TIA1: variants seen among roughly 807,000 people sequenced by gnomAD.
TIA1 encodes TIA1 cytotoxic granule associated RNA binding protein, also known as cytotoxic granule associated RNA binding protein TIA1.
In TIA1, 23 loss-of-function variants were observed where a neutral mutation model predicts 65.9. The observed-to-expected ratio is 0.35, with a 90% CI of 0.25 to 0.49. The LOEUF is 0.49. TIA1 is among the 20% of genes least tolerant of loss of function. TIA1 has a pLI of 0.98. For missense variants in TIA1, 371 were observed against 477.9 expected (o/e 0.78, Z 2.09); for synonymous variants, 147 against 149.4 (o/e 0.98, Z 0.12).
intron 12 of TIA1, among the ~76,000 whole-genome samples, 163 bp from the exon 13 acceptor site, chr2:70,213,008 A>G (rs754801947): frequency 6.6e-6 from 1 of 152,248 alleles, no homozygotes. Flanking sequence ...ATCTTTTACT[A>G]AAGTTTTTTT....
At chr2:70,217,459 G>A (rs1013623866) in intron 7 of TIA1, among the ~76,000 whole-genome samples, 9 of 151,722 alleles carry the variant, frequency 5.9e-5, no homozygotes, top group African/African-American at 1.5e-4. Context: ...GTGTAATGGC[G>A]TGATCTCGGC....
At chr2:70,215,870 T>G (rs1444622434) in intron 10 of TIA1, among the ~76,000 whole-genome samples, 3 of 152,132 alleles carry the variant, frequency 2.0e-5, no homozygotes, top group Non-Finnish European at 4.4e-5. Flanking sequence ...TGCCTCAGCC[T>G]CCCGAGTAGC....
chr2:70,220,266 G>A (rs1331391068), intron 7 of TIA1, among the ~76,000 whole-genome samples: 3 of 152,048 alleles, frequency 2.0e-5, no homozygotes, highest in African/African-American at 7.2e-5. Context: ...AAATTAGCTG[G>A]GCATGGTGTT....
chr2:70,247,151 A>C (rs1260073808), intron 1 of TIA1, among the ~76,000 whole-genome samples: 1 of 152,206 alleles, frequency 6.6e-6, no homozygotes, highest in Non-Finnish European at 1.5e-5. Flanking sequence ...TTCCTAAAAC[A>C]AAGGTCATGC....
At chr2:70,218,662 T>A (rs1232362715) in intron 7 of TIA1, among the ~76,000 whole-genome samples, 1 of 152,218 alleles carries the variant, frequency 6.6e-6, no homozygotes, top group Non-Finnish European at 1.5e-5. Flanking sequence ...CTCCATCTCC[T>A]GACCTCGTGA....
At position 70,216,789 on chromosome 2, in the gene TIA1, T is replaced by C. The variant is rs749416525; in HGVS notation, c.583+97A>G. 9 of 1,607,422 alleles carry C rather than the reference T, an allele frequency of 5.6e-6. No individual in the cohort carries two copies. The East Asian group carries it at 6.7e-5, about 12-fold the overall frequency. ...GTAGTCTTGATTTGCTTCTCATCTA[T>C]TTCTGCAATAAGTCTCCGGGAACAG... On this transcript the variant is annotated intron_variant, in intron 8 of 12. Transcript: ENST00000433529.
chr2:70,234,958 T>A (rs1035620806), intron 2 of TIA1, among the ~76,000 whole-genome samples: 7 of 152,100 alleles, frequency 4.6e-5, no homozygotes, highest in Non-Finnish European at 1.5e-5. Context: ...ATGATTGTCT[T>A]TTCTGGAGAA....
chr2:70,237,725 G>A (rs892419066), intron 1 of TIA1, among the ~76,000 whole-genome samples: 4 of 152,002 alleles, frequency 2.6e-5, no homozygotes, highest in African/African-American at 7.2e-5. Context: ...TTAGCCGGGC[G>A]TGGTGGCGCC....
intron 1 of TIA1, 86 bp from the exon 2 acceptor site, chr2:70,236,261 C>G: frequency 2.5e-6 from 2 of 811,386 alleles, no homozygotes; most frequent in Non-Finnish European, 4.0e-6. Context: ...TGCAATGGCA[C>G]GATCTCGGCT....
chr2:70,231,284 A>G (rs961549888), intron 2 of TIA1, among the ~76,000 whole-genome samples: 5 of 152,162 alleles, frequency 3.3e-5, no homozygotes, highest in African/African-American at 1.2e-4. Context: ...CCTGGGCGAC[A>G]GAGCAAGACT....
At chr2:70,237,574 T>C (rs958873691) in intron 1 of TIA1, among the ~76,000 whole-genome samples, 5 of 150,204 alleles carry the variant, frequency 3.3e-5, no homozygotes, top group Middle Eastern at 3.5e-3. Context: ...AAATATCTTA[T>C]ACAATAATGG....
At chr2:70,246,400 T>C (rs1396020998) in intron 1 of TIA1, among the ~76,000 whole-genome samples, 1 of 152,164 alleles carries the variant, frequency 6.6e-6, no homozygotes, top group Non-Finnish European at 1.5e-5. Context: ...AAAAACACTA[T>C]TAGGAAAACT....
Position 70,232,540 on chromosome 2 carries a change from CAAAAAAAAAAAAAAAAA to C in TIA1, c.124-1703_124-1687del, listed in dbSNP as rs70956955. On this transcript the variant is annotated intron_variant, in intron 2 of 12. Transcript: ENST00000433529. ...GGGCAACAAGAGTGAAACTCTGTCT[CAAAAAAAAAAAAAAAAA>C]AAAAAAAAAAAAAAAAATTATCTTC... 5.0e-4 allele frequency among the ~76,000 whole-genome samples: 20 copies of C among 40,264 alleles called. No homozygotes were observed. In the East Asian group the frequency reaches 6.6e-3, roughly 13 times the overall value. 26.4% of individuals were successfully genotyped at this position (40,264 alleles called of 152,430 possible).
chr2:70,239,919 T>G (rs982788373), intron 1 of TIA1, among the ~76,000 whole-genome samples: 7 of 152,200 alleles, frequency 4.6e-5, no homozygotes, highest in Non-Finnish European at 1.0e-4. Flanking sequence ...AGCTCTAGTT[T>G]AGAAAAGTTC....
Position 70,210,155 on chromosome 2 carries a change from A to G in TIA1, c.*2564T>C, listed in dbSNP as rs1343535258. The G allele has an allele frequency of 6.4e-6, 1 of 156,102 alleles. No homozygotes were observed. Among genetic ancestry groups the G allele is most frequent in the Non-Finnish European group, 1.4e-5 (1 of 70,864 alleles). 9.7% of individuals were successfully genotyped at this position (156,102 alleles called of 1,614,324 possible). On this transcript the variant is annotated 3_prime_UTR_variant, in exon 13 of 13. Transcript: ENST00000433529. ...AATATAACAATATGGATAGACCAAA[A>G]AGAAAAAAAATCTCACACACAATAA... is the stretch of plus-strand genomic sequence containing the variant.
At position 70,228,936 on chromosome 2, in the gene TIA1, G is replaced by A. The variant is rs925601285; in HGVS notation, c.310+123C>T. ...GAGAAGGGAGAAAAGTATTGCTAGAGAGACAAATAGAAATAATATCTCCTC... is the reference window on the plus strand; with the variant it reads ...GAGAAGGGAGAAAAGTATTGCTAGAAAGACAAATAGAAATAATATCTCCTC... On this transcript the variant is annotated intron_variant, in intron 5 of 12. Coordinates refer to ENST00000433529, the MANE Select transcript of TIA1 (RefSeq NM_022173.4). 5 of 1,458,488 alleles carry A rather than the reference G, an allele frequency of 3.4e-6. No individual in the cohort carries two copies. In the African/African-American group the frequency reaches 4.3e-5, roughly 13 times the overall value. The allele number at this position is 1,458,488 out of a possible 1,614,324, so 90.3% of individuals were successfully genotyped here. A position where few individuals can be genotyped will look rare whatever the true frequency, so the allele number is the denominator to read the frequency against.
rs1684301420 is a variant in TIA1, at chr2:70,227,435, T to C, written c.398+300A>G. Among the ~76,000 whole-genome samples, 5 of 152,286 alleles carry C rather than the reference T, an allele frequency of 3.3e-5. No homozygotes were observed. In the South Asian group the frequency reaches 1.0e-3, roughly 32 times the overall value. ...AGTTACAGCACAATTTTACTAAAGA[T>C]TGTCACCAAGCTAGCTTGATACCTA... On this transcript the variant is annotated intron_variant, in intron 6 of 12. Coordinates refer to ENST00000433529, the MANE Select transcript of TIA1 (RefSeq NM_022173.4).
chr2:70,239,884 C>T (rs1362453948), intron 1 of TIA1, among the ~76,000 whole-genome samples: 2 of 152,154 alleles, frequency 1.3e-5, no homozygotes, highest in African/African-American at 4.8e-5. Flanking sequence ...TAAGTAGGAA[C>T]TCCCACTAAA....
chr2:70,233,949 C>A (rs1335160922), intron 2 of TIA1, among the ~76,000 whole-genome samples: 1 of 152,092 alleles, frequency 6.6e-6, no homozygotes, highest in Non-Finnish European at 1.5e-5. Context: ...TGTGAACAGA[C>A]TGGAATTTAG....
Sources: allele counts gnomAD v4.1 joint callset (sites outside exome capture counted in the v4.1 genomes callset), GRCh38; gene constraint gnomAD v4.1.1; transcripts MANE v1.5; gene names NCBI Gene and HGNC (gene_info 2026-07-23, HGNC 2026-07-21).